Variants in PTBP3 observed in about 807,000 individuals in gnomAD.
The protein encoded by PTBP3 is polypyrimidine tract binding protein 3, also known as polypyrimidine tract-binding protein 3.
Under a neutral mutation model 58.7 loss-of-function variants are expected in PTBP3, and 20 were observed. The ratio of observed to expected loss-of-function variants is 0.34; its 90% CI spans 0.24 to 0.50. PTBP3 has a LOEUF of 0.50. Among genes scored for constraint, PTBP3 ranks in the 20% least tolerant of loss-of-function variants. The pLI is 0.98. For missense variants in PTBP3, 509 were observed against 637.2 expected (o/e 0.80, Z 2.17); for synonymous variants, 185 against 219.8 (o/e 0.84, Z 1.40).
In PTBP3 at chr9:112,222,919, TA is replaced by T. The variant is rs1169890191; in HGVS notation, c.*931del. ...AGAAGACCTTACCAAAAATAACTTT[TA>T]AAAAATCTGTCAAACCATATGATAG... is the stretch of plus-strand genomic sequence containing the variant. On this transcript the variant is annotated 3_prime_UTR_variant, in exon 14 of 14. Transcript: ENST00000374257. 1.8e-5 allele frequency: 16 copies of T among 876,210 alleles called. No homozygotes were observed. The highest frequency in any genetic ancestry group is 2.1e-5 in the Non-Finnish European group (15 of 730,270). 54.3% of individuals were successfully genotyped at this position (876,210 alleles called of 1,614,324 possible). A position where few individuals can be genotyped will look rare whatever the true frequency, so the allele number is the denominator to read the frequency against.
chr9:112,357,180 C>G, the PTBP3 span, among the ~76,000 whole-genome samples: 1 of 152,076 alleles, frequency 6.6e-6, no homozygotes, highest in Non-Finnish European at 1.5e-5. Context: ...CCGCACCCGG[C>G]CTCCCTCTAC....
chr9:112,234,389 A>G (rs958215088), intron 8 of PTBP3, among the ~76,000 whole-genome samples: 4 of 152,260 alleles, frequency 2.6e-5, no homozygotes, highest in African/African-American at 9.6e-5. Context: ...TAGTGAATGT[A>G]TAGTATGACT....
chr9:112,332,017 A>C (rs1830395831), intron 1 of PTBP3, among the ~76,000 whole-genome samples: 2 of 151,870 alleles, frequency 1.3e-5, no homozygotes. Flanking sequence ...AGTGACACAA[A>C]TCTTTACGAC....
chr9:112,375,448 G>C, the PTBP3 span, among the ~76,000 whole-genome samples: 1 of 152,304 alleles, frequency 6.6e-6, no homozygotes, highest in South Asian at 2.1e-4. Context: ...CTAGAAAGGG[G>C]CTGTAGTGCT....
chr9:112,364,372 CA>C, the PTBP3 span, among the ~76,000 whole-genome samples: 1 of 151,854 alleles, frequency 6.6e-6, no homozygotes, highest in African/African-American at 2.4e-5. Flanking sequence ...AGAAAAGTAC[CA>C]GGGGGCCAGG....
chr9:112,221,418 T>C lies in PTBP3; in HGVS notation c.*2433A>G, dbSNP rs1434367702. ...GATCCCCTTCCGTTATTAGCAACTT[T>C]GCTACACTTATGCTGAATGTTATGA... On this transcript the variant is annotated 3_prime_UTR_variant, in exon 14 of 14. Coordinates refer to ENST00000374257, the MANE Select transcript of PTBP3 (RefSeq NM_001163788.4). 5 of 985,720 alleles carry C rather than the reference T, an allele frequency of 5.1e-6. No individual in the cohort carries two copies. Among genetic ancestry groups the C allele is most frequent in the Non-Finnish European group, 6.0e-6 (5 of 829,922 alleles). The allele number at this position is 985,720 out of a possible 1,614,324, so 61.1% of individuals were successfully genotyped here.
intron 12 of PTBP3, 134 bp from the exon 13 acceptor site, chr9:112,224,344 G>C: frequency 1.9e-6 from 1 of 527,340 alleles, no homozygotes; most frequent in Admixed American, 3.8e-5. Flanking sequence ...ACTTGATTTG[G>C]AAGTTCCCTG....
At chr9:112,319,958 C>T (rs7357749) in intron 1 of PTBP3, among the ~76,000 whole-genome samples, 42,512 of 152,022 alleles carry the variant, frequency 0.28, 6,941 homozygotes, top group South Asian at 0.41. Context: ...CACTTACACG[C>T]AGAATCTAAG....
the PTBP3 span, among the ~76,000 whole-genome samples, chr9:112,357,841 C>T: frequency 1.6e-4 from 24 of 152,092 alleles, no homozygotes; most frequent in African/African-American, 5.1e-4. Flanking sequence ...ATTTTGCCTC[C>T]AGAGGACATT....
chr9:112,270,510 C>A (rs1011085159), intron 3 of PTBP3, among the ~76,000 whole-genome samples: 1 of 151,876 alleles, frequency 6.6e-6, no homozygotes, highest in Non-Finnish European at 1.5e-5. Flanking sequence ...AATAAACATA[C>A]GAAGCATTTT....
the PTBP3 span, among the ~76,000 whole-genome samples, chr9:112,340,155 GC>G: frequency 5.7e-4 from 86 of 152,144 alleles, no homozygotes; most frequent in Non-Finnish European, 1.1e-3. Context: ...TGTGTTCTTA[GC>G]AACCAGAACA....
At chr9:112,237,352 A>C (rs1835474735) in intron 7 of PTBP3, among the ~76,000 whole-genome samples, 1 of 152,192 alleles carries the variant, frequency 6.6e-6, no homozygotes, top group South Asian at 2.1e-4. Context: ...ACCTTTAAGA[A>C]AAATGTTTCA....
chr9:112,336,541 G>A (rs1021344768), upstream of PTBP3, among the ~76,000 whole-genome samples: 2 of 151,878 alleles, frequency 1.3e-5, no homozygotes, highest in Admixed American at 1.3e-4. Context: ...CAGCACTTTG[G>A]GAGGTCAAAG....
the PTBP3 span, among the ~76,000 whole-genome samples, chr9:112,361,566 CT>C: frequency 7.3e-6 from 1 of 136,458 alleles, no homozygotes; most frequent in Non-Finnish European, 1.6e-5. Context: ...CCTTATTTTC[CT>C]TTTTTGAGAG....
intron 5 of PTBP3, among the ~76,000 whole-genome samples, chr9:112,256,940 G>T (rs1016817239): frequency 6.3e-4 from 95 of 151,834 alleles, no homozygotes; most frequent in African/African-American, 2.2e-3. Context: ...TATTCTTGAT[G>T]TAAAATATAT....
the PTBP3 span, among the ~76,000 whole-genome samples, chr9:112,339,812 C>T: frequency 2.6e-5 from 4 of 151,840 alleles, no homozygotes; most frequent in Non-Finnish European, 5.9e-5. Flanking sequence ...GTGATCTGCC[C>T]GCCTCAGCCT....
chr9:112,333,148 A>C, intron 1 of PTBP3: 3 of 1,228,968 alleles, frequency 2.4e-6, no homozygotes, highest in South Asian at 3.2e-5. Context: ...GGCTCCCCGG[A>C]CTCGGGGCGC....
At chr9:112,310,632 C>T (rs1253719768) in intron 1 of PTBP3, among the ~76,000 whole-genome samples, 2 of 152,104 alleles carry the variant, frequency 1.3e-5, no homozygotes, top group East Asian at 3.9e-4. Flanking sequence ...CAATCTTGCA[C>T]AAAGAAACAT....
rs1194484692 is a variant in PTBP3 at position 112,221,601 on chromosome 9, A to G, written c.*2250T>C. On this transcript the variant is annotated 3_prime_UTR_variant, in exon 14 of 14. Coordinates refer to ENST00000374257, the MANE Select transcript of PTBP3 (RefSeq NM_001163788.4). ...CAAAGAAATTTTTTTCCTCCTTCAT[A>G]TACCCCTTGTGTCTAGGTCAAAACT... 3.0e-6 allele frequency: 3 copies of G among 985,360 alleles called. No individual in the cohort carries two copies. Among genetic ancestry groups the G allele is most frequent in the Non-Finnish European group, 3.6e-6 (3 of 829,926 alleles). The allele number at this position is 985,360 out of a possible 1,614,324, so 61.0% of individuals were successfully genotyped here.
Sources: gnomAD v4.1 joint callset for allele counts (sites outside exome capture counted in the v4.1 genomes callset) on GRCh38, gnomAD v4.1.1 for gene constraint, MANE v1.5 for transcripts, NCBI Gene and HGNC (gene_info 2026-07-23, HGNC 2026-07-21) for gene names.